BLOC1S3: variants seen among roughly 807,000 people sequenced by gnomAD.
BLOC1S3 encodes the protein biogenesis of lysosome-related organelles complex 1 subunit 3.
Under a neutral mutation model 9.1 loss-of-function variants are expected in BLOC1S3, and 7 were observed. The observed-to-expected ratio is 0.77, with a 90% CI of 0.44 to 1.45. The LOEUF is 1.45. Among genes scored for constraint, BLOC1S3 ranks in the 40% most tolerant of loss-of-function variants. The pLI, the probability that BLOC1S3 is intolerant of heterozygous loss-of-function variation, is 0.01. For missense variants in BLOC1S3, 307 were observed against 315.2 expected, an observed-to-expected ratio of 0.97 and a Z score of 0.20; for synonymous variants, 145 against 158.4, an observed-to-expected ratio of 0.92 and a Z score of 0.64.
intron 3 of BLOC1S3, among the ~76,000 whole-genome samples, chr19:45,207,815 C>T (rs1032193776): frequency 6.6e-6 from 1 of 152,166 alleles, no homozygotes; most frequent in African/African-American, 2.4e-5. Flanking sequence ...CATACACACA[C>T]ATGTGCACAG....
chr19:45,212,031 A>G (rs1010830758), intron 3 of BLOC1S3, among the ~76,000 whole-genome samples: 3 of 151,898 alleles, frequency 2.0e-5, no homozygotes, highest in Non-Finnish European at 4.4e-5. Flanking sequence ...CCCTGCCCCC[A>G]ACCTCCTTCC....
At chr19:45,211,086 G>A (rs1433637382) in intron 3 of BLOC1S3, among the ~76,000 whole-genome samples, 2 of 152,174 alleles carry the variant, frequency 1.3e-5, no homozygotes, top group African/African-American at 4.8e-5. Context: ...ACTCCAGCCT[G>A]GGCAACAGAG....
chr19:45,183,015 G>A (rs1969537820), downstream of BLOC1S3, among the ~76,000 whole-genome samples: 1 of 152,120 alleles, frequency 6.6e-6, no homozygotes, highest in Non-Finnish European at 1.5e-5. Context: ...CAGACAGGGA[G>A]AACAGCATAT....
intron 3 of BLOC1S3, among the ~76,000 whole-genome samples, chr19:45,213,770 C>T (rs1464504935): frequency 1.3e-5 from 2 of 151,228 alleles, no homozygotes; most frequent in African/African-American, 4.9e-5. Flanking sequence ...CATGGCGAAA[C>T]CCTCTCTCTA....
chr19:45,185,561 C>T (rs1352640829), downstream of BLOC1S3, among the ~76,000 whole-genome samples: 1 of 152,032 alleles, frequency 6.6e-6, no homozygotes, highest in Non-Finnish European at 1.5e-5. Flanking sequence ...GAAAGGCATT[C>T]AAGGCAGAAA....
intron 3 of BLOC1S3, among the ~76,000 whole-genome samples, chr19:45,209,210 G>A (rs1172816543): frequency 2.6e-5 from 4 of 151,026 alleles, no homozygotes; most frequent in Middle Eastern, 3.5e-3. Context: ...CACCATGCCC[G>A]GCTAATTTTT....
exon 4 of BLOC1S3, chr19:45,216,877 G>A (rs1006881326): frequency 6.6e-6 from 1 of 152,160 alleles, no homozygotes; most frequent in African/African-American, 2.4e-5. Context: ...GGAACTCCAA[G>A]AAGAGCGACT....
chr19:45,190,423 A>G (rs1036085201), intron 2 of BLOC1S3, among the ~76,000 whole-genome samples: 3 of 151,556 alleles, frequency 2.0e-5, no homozygotes, highest in African/African-American at 7.3e-5. Context: ...TTGTTGAGAC[A>G]AGATCTGGCT....
Position 45,209,990 on chromosome 19 carries a change from C to A in BLOC1S3, n.283-6686C>A, listed in dbSNP as rs192251675. ...CGTGATCCGCCCACCTCAGCCACCT[C>A]CCAAAGTGCTGGGATTACAGGCGTG... On this transcript the variant is annotated intron_variant and non_coding_transcript_variant, in intron 3 of 3. Coordinates refer to the BLOC1S3 transcript ENST00000591569. Among the ~76,000 whole-genome samples the A allele has an allele frequency of 6.0e-3, 913 of 152,286 alleles. 10 individuals carry two copies. The highest frequency in any genetic ancestry group is 0.021 in the African/African-American group (880 of 41,562).
Position 45,215,462 on chromosome 19 carries a change from C to A in BLOC1S3, n.283-1214C>A, listed in dbSNP as rs192510481. Among the ~76,000 whole-genome samples, 906 of 151,588 alleles carry A rather than the reference C, an allele frequency of 6.0e-3. 16 individuals are homozygous for A. Among genetic ancestry groups the A allele is most frequent in the African/African-American group, 0.021 (857 of 41,316 alleles). Reference sequence around the variant, plus strand: ...CTCCAGCCAGGGAAACAGAGTGAGACCCTGTCTCAAAAAAAAAAGAAAAAA... The same window carrying A: ...CTCCAGCCAGGGAAACAGAGTGAGAACCTGTCTCAAAAAAAAAAGAAAAAA... On this transcript the variant is annotated intron_variant and non_coding_transcript_variant, in intron 3 of 3. Coordinates refer to the BLOC1S3 transcript ENST00000591569.
chr19:45,207,561 A>C (rs1294073313), intron 3 of BLOC1S3, among the ~76,000 whole-genome samples: 1 of 139,670 alleles, frequency 7.2e-6, no homozygotes, highest in Non-Finnish European at 1.5e-5. Context: ...GTCTCAAAAA[A>C]AAAAAAAAAA....
intron 3 of BLOC1S3, among the ~76,000 whole-genome samples, chr19:45,207,579 A>AAAAAC (rs1969737332): frequency 6.7e-6 from 1 of 148,926 alleles, no homozygotes; most frequent in Non-Finnish European, 1.5e-5. Flanking sequence ...AAAAAAAAAA[A>AAAAAC]AAAAAAACCT....
downstream of BLOC1S3, among the ~76,000 whole-genome samples, chr19:45,184,824 C>T (rs982023600): frequency 2.1e-5 from 3 of 142,470 alleles, no homozygotes; most frequent in Non-Finnish European, 3.0e-5. Flanking sequence ...GGCGTGAACC[C>T]GGGAGGTGGA....
intron 3 of BLOC1S3, among the ~76,000 whole-genome samples, chr19:45,209,045 GT>G (rs60192586): frequency 0.27 from 39,795 of 148,300 alleles, 6,482 homozygotes; most frequent in East Asian, 0.47. Context: ...CTACAGTTTT[GT>G]TTTTTTTTTG....
chr19:45,191,696 C>G (rs1294956522), intron 2 of BLOC1S3, among the ~76,000 whole-genome samples: 1 of 152,236 alleles, frequency 6.6e-6, no homozygotes, highest in East Asian at 1.9e-4. Context: ...GAGACACTGC[C>G]TTGGTGGTCT....
chr19:45,207,142 ATTTT>A, intron 3 of BLOC1S3, among the ~76,000 whole-genome samples: 1 of 136,802 alleles, frequency 7.3e-6, no homozygotes. Flanking sequence ...CAGCTATTTT[ATTTT>A]TTTTGAGACA....
chr19:45,205,378 G>T (rs1411439225), intron 3 of BLOC1S3, among the ~76,000 whole-genome samples: 1 of 152,068 alleles, frequency 6.6e-6, no homozygotes, highest in Non-Finnish European at 1.5e-5. Flanking sequence ...TGTTGGCCAG[G>T]CTGGTCTCAA....
At position 45,180,040 on chromosome 19, in the gene BLOC1S3, C is replaced by T. The variant is rs1969494300; in HGVS notation, c.*135C>T. 4 of 996,192 alleles carry T rather than the reference C, an allele frequency of 4.0e-6. No individual in the cohort carries two copies. Among genetic ancestry groups the T allele is most frequent in the Non-Finnish European group, 5.8e-6 (4 of 686,446 alleles). The allele number at this position is 996,192 out of a possible 1,614,324, so 61.7% of individuals were successfully genotyped here. On this transcript the variant is annotated 3_prime_UTR_variant, in exon 2 of 2. Coordinates refer to ENST00000433642, the MANE Select transcript of BLOC1S3 (RefSeq NM_212550.5). The stretch of plus-strand genomic sequence containing the variant: ...TTGGTGTCACCCATGGGGGCTAATC[C>T]GGTCCCCTTGGATAATGCTTTATAT...
intron 3 of BLOC1S3, among the ~76,000 whole-genome samples, chr19:45,209,209 C>T (rs576005375): frequency 2.6e-5 from 4 of 151,650 alleles, no homozygotes; most frequent in South Asian, 2.1e-4. Flanking sequence ...CCACCATGCC[C>T]GGCTAATTTT....
Sources: gnomAD v4.1 joint callset for allele counts (sites outside exome capture counted in the v4.1 genomes callset) on GRCh38, gnomAD v4.1.1 for gene constraint, MANE v1.5 for transcripts, NCBI Gene and HGNC (gene_info 2026-07-23, HGNC 2026-07-21) for gene names.